ZNF469: variants seen among roughly 807,000 people sequenced by gnomAD.
ZNF469 encodes zinc finger protein 469.
In ZNF469, 1 loss-of-function variant was observed where a neutral mutation model predicts 1.0. That is an observed-to-expected ratio of 1.00 (90% confidence interval 0.35 to 4.73). ZNF469 has a LOEUF of 4.73. ZNF469 is among the 30% of genes most tolerant of loss of function. The probability of loss-of-function intolerance (pLI) is 0.16; values close to 1 mark genes in which losing one functional copy is unlikely to be tolerated. For missense variants in ZNF469, 6,100 were observed against 5,356.3 expected (o/e 1.14, Z -4.33); for synonymous variants, 2,703 against 2,363.4 (o/e 1.14, Z -4.17).
chr16:88,129,910 C>T, the ZNF469 span, among the ~76,000 whole-genome samples: 1 of 152,198 alleles, frequency 6.6e-6, no homozygotes, highest in African/African-American at 2.4e-5. Flanking sequence ...CCACCGAAGC[C>T]CCTCCGAGGG....
At chr16:88,350,638 G>C in the ZNF469 span, among the ~76,000 whole-genome samples, 1 of 152,234 alleles carries the variant, frequency 6.6e-6, no homozygotes, top group Admixed American at 6.5e-5. Flanking sequence ...TGGTGAAAGG[G>C]GGACGTTCAG....
the ZNF469 span, among the ~76,000 whole-genome samples, chr16:88,117,981 C>T: frequency 2.6e-5 from 4 of 152,198 alleles, no homozygotes; most frequent in South Asian, 2.1e-4. Context: ...CTCGCTCTGT[C>T]GCCCAGGCTG....
chr16:88,269,736 C>T, the ZNF469 span, among the ~76,000 whole-genome samples: 9 of 152,170 alleles, frequency 5.9e-5, no homozygotes, highest in African/African-American at 2.2e-4. Flanking sequence ...ACACATTTGC[C>T]GGTTTTTCTG....
At chr16:88,147,011 C>T in the ZNF469 span, among the ~76,000 whole-genome samples, 3 of 152,256 alleles carry the variant, frequency 2.0e-5, no homozygotes, top group Non-Finnish European at 2.9e-5. Context: ...CAGAGGCATC[C>T]ATGTCCTGAT....
the ZNF469 span, among the ~76,000 whole-genome samples, chr16:88,258,695 T>TC: frequency 6.6e-6 from 1 of 152,092 alleles, no homozygotes; most frequent in Admixed American, 6.5e-5. Flanking sequence ...GTGGTGGTGG[T>TC]CCTTGTGGTT....
In ZNF469 at chr16:88,439,184, C is replaced by G. The variant is rs529322092; in HGVS notation, c.11714C>G (p.Pro3905Arg). The change falls in exon 3 of 3, where the codon CCC (proline) becomes CGC (arginine). Residue 3905 changes from proline (P) to arginine (R), a missense_variant. Pro to Arg is a moderately radical substitution (Grantham distance 103). Transcript: ENST00000565624. ...FPQGRPLLRP[P>R]KRGTAVHGAE... ...CAGGGGAGACCCCTGCTCAGGCCCC[C>G]CAAGAGGGGCACAGCTGTCCACGGT... The G allele has an allele frequency of 1.9e-5, 29 of 1,550,330 alleles. No homozygotes were observed. In the South Asian group the frequency reaches 2.1e-4, roughly 11 times the overall value.
At chr16:88,380,781 C>T (rs1207506102), upstream of ZNF469, among the ~76,000 whole-genome samples, 1 of 141,552 alleles carries the variant, frequency 7.1e-6, no homozygotes, top group Non-Finnish European at 1.5e-5. Flanking sequence ...CACACATGCA[C>T]TCACACACAT....
the ZNF469 span, among the ~76,000 whole-genome samples, chr16:88,249,724 C>T: frequency 6.6e-6 from 1 of 152,200 alleles, no homozygotes; most frequent in African/African-American, 2.4e-5. Context: ...GCGTGAGCCA[C>T]CACGCCCGGC....
the ZNF469 span, among the ~76,000 whole-genome samples, chr16:88,259,602 T>C: frequency 6.6e-6 from 1 of 152,064 alleles, no homozygotes; most frequent in East Asian, 1.9e-4. The surrounding 1 kb of genome is among the most constrained non-coding windows in gnomAD (Gnocchi z 4.1). Flanking sequence ...GACCCCAGAA[T>C]CCCTATGAGC....
chr16:88,323,238 G>A, the ZNF469 span, among the ~76,000 whole-genome samples: 4 of 152,130 alleles, frequency 2.6e-5, no homozygotes, highest in Non-Finnish European at 5.9e-5. Flanking sequence ...GAGGGGCCCC[G>A]GAGGCCTTGG....
chr16:88,183,990 C>G, the ZNF469 span, among the ~76,000 whole-genome samples: 104,741 of 151,470 alleles, frequency 0.69, 37,378 homozygotes, highest in Non-Finnish European at 0.8. Context: ...CCTTTCCCAG[C>G]TTTCTGTTCC....
At chr16:88,128,672 T>C in the ZNF469 span, among the ~76,000 whole-genome samples, 1 of 152,246 alleles carries the variant, frequency 6.6e-6, no homozygotes, top group South Asian at 2.1e-4. Context: ...CCCCTGAGCC[T>C]GCTCCCCATG....
the ZNF469 span, among the ~76,000 whole-genome samples, chr16:88,281,269 A>G: frequency 5.7e-5 from 5 of 88,392 alleles, no homozygotes; most frequent in Non-Finnish European, 1.1e-4. Flanking sequence ...GTACCGTGTC[A>G]TTTTGGTGCG....
the ZNF469 span, among the ~76,000 whole-genome samples, chr16:88,192,832 GTGATGACAATGATGATAATGA>G: frequency 4.7e-5 from 7 of 150,520 alleles, no homozygotes; most frequent in Non-Finnish European, 5.9e-5. Context: ...GGTGGTGGTG[GTGATGACAATGATGATAATGA>G]TGGTGATGAC....
chr16:88,160,777 C>T, the ZNF469 span, among the ~76,000 whole-genome samples: 3 of 152,164 alleles, frequency 2.0e-5, no homozygotes, highest in Admixed American at 1.3e-4. Flanking sequence ...TTTTCCCACC[C>T]AGCAGCCTGC....
the ZNF469 span, among the ~76,000 whole-genome samples, chr16:88,119,167 T>C: frequency 1.3e-5 from 2 of 152,154 alleles, no homozygotes; most frequent in Non-Finnish European, 2.9e-5. Context: ...AAAAGAAAGA[T>C]AGTAAGTGAA....
the ZNF469 span, among the ~76,000 whole-genome samples, chr16:88,154,243 T>A: frequency 6.6e-6 from 1 of 152,226 alleles, no homozygotes; most frequent in East Asian, 1.9e-4. Flanking sequence ...CTGCAACTTC[T>A]GCCTCCCGGG....
the ZNF469 span, among the ~76,000 whole-genome samples, chr16:88,131,280 A>G: frequency 6.6e-6 from 1 of 152,238 alleles, no homozygotes; most frequent in African/African-American, 2.4e-5. Flanking sequence ...AAAAAATGAA[A>G]AACGAAACAA....
the ZNF469 span, among the ~76,000 whole-genome samples, chr16:88,328,995 G>A: frequency 2.6e-5 from 4 of 152,304 alleles, no homozygotes; most frequent in South Asian, 2.1e-4. Flanking sequence ...ACGTTCACCC[G>A]CAGCCGGAGT....
Sources: gnomAD v4.1 joint callset for allele counts (sites outside exome capture counted in the v4.1 genomes callset) on GRCh38, gnomAD v4.1.1 for gene constraint, Gnocchi (gnomAD v3.1) non-coding constraint, MANE v1.5 for transcripts, NCBI Gene and HGNC (gene_info 2026-07-23, HGNC 2026-07-21) for gene names.